The following PLCXD3 variants were observed in gnomAD, a reference collection of about 807,000 sequenced individuals.
PLCXD3 encodes the protein PI-PLC X domain-containing protein 3.
PLCXD3 carries 19 observed loss-of-function variants against 25.5 expected under a neutral mutation model. The observed-to-expected ratio is 0.75, with a 90% CI of 0.52 to 1.09. The LOEUF is 1.09. PLCXD3 is among the 50% of genes least tolerant of loss of function. PLCXD3 has a pLI of 0.00. For missense variants in PLCXD3, 411 were observed against 388.1 expected, an observed-to-expected ratio of 1.06 and a Z score of -0.50; for synonymous variants, 174 against 137.6, an observed-to-expected ratio of 1.26 and a Z score of -1.85.
At position 41,309,612 on chromosome 5, in the gene PLCXD3, A is replaced by G. The variant is rs1743078248; in HGVS notation, c.*4005T>C. On this transcript the variant is annotated 3_prime_UTR_variant, in exon 3 of 3. Transcript: ENST00000377801. ...AAACATGCATTTCCTGAGACTTCCA[A>G]CTTTCCAGTCTGGAATCCTAACAAG... 6.6e-6 allele frequency: 1 copy of G among 152,174 alleles called. No homozygotes were observed. The highest frequency in any genetic ancestry group is 1.5e-5 in the Non-Finnish European group (1 of 68,006). The allele number at this position is 152,174 out of a possible 1,614,324, so 9.4% of individuals were successfully genotyped here. A position where few individuals can be genotyped will look rare whatever the true frequency, so the allele number is the denominator to read the frequency against.
chr5:41,311,455 G>T lies in PLCXD3; in HGVS notation c.*2162C>A, dbSNP rs1743134472. The T allele has an allele frequency of 6.6e-6, 1 of 150,966 alleles. No individual in the cohort carries two copies. The highest frequency in any genetic ancestry group is 6.6e-5 in the Admixed American group (1 of 15,058). The allele number at this position is 150,966 out of a possible 1,614,324, so 9.4% of individuals were successfully genotyped here. A position where few individuals can be genotyped will look rare whatever the true frequency, so the allele number is the denominator to read the frequency against. ...TACTCTTTTTCACACAATATTAAGGGTTTCAGTCTTAAAATTAAATTATTT... is the reference window on the plus strand; with the variant it reads ...TACTCTTTTTCACACAATATTAAGGTTTTCAGTCTTAAAATTAAATTATTT... On this transcript the variant is annotated 3_prime_UTR_variant, in exon 3 of 3. Coordinates refer to ENST00000377801, the MANE Select transcript of PLCXD3 (RefSeq NM_001005473.3).
intron 1 of PLCXD3, among the ~76,000 whole-genome samples, chr5:41,474,222 C>A (rs1748231849): frequency 6.6e-6 from 1 of 152,160 alleles, no homozygotes. Context: ...GTAGAAAGGG[C>A]AGGGAGGAGG....
At chr5:41,421,428 G>A (rs1197355974) in intron 1 of PLCXD3, among the ~76,000 whole-genome samples, 1 of 152,114 alleles carries the variant, frequency 6.6e-6, no homozygotes, top group Non-Finnish European at 1.5e-5. Context: ...GGAGCTGGGC[G>A]CGGTGGCTCA....
intron 1 of PLCXD3, among the ~76,000 whole-genome samples, chr5:41,396,005 A>C (rs1455916880): frequency 6.6e-6 from 1 of 151,710 alleles, no homozygotes; most frequent in Non-Finnish European, 1.5e-5. Flanking sequence ...ATCAAAGAAA[A>C]AAAAAAAACC....
chr5:41,444,631 A>G (rs1747455343), intron 1 of PLCXD3, among the ~76,000 whole-genome samples: 1 of 152,222 alleles, frequency 6.6e-6, no homozygotes, highest in South Asian at 2.1e-4. Context: ...ATGAATTAAT[A>G]AAAGATGACA....
At chr5:41,403,415 T>TTTGTTTTTG (rs1452997209) in intron 1 of PLCXD3, among the ~76,000 whole-genome samples, 1 of 36,826 alleles carries the variant, frequency 2.7e-5, no homozygotes, top group Non-Finnish European at 7.1e-5. Context: ...TTTTTTTTTT[T>TTTGTTTTTG]TATTATACTC....
At chr5:41,434,889 G>C (rs1176160127) in intron 1 of PLCXD3, among the ~76,000 whole-genome samples, 2 of 152,154 alleles carry the variant, frequency 1.3e-5, no homozygotes, top group African/African-American at 4.8e-5. Flanking sequence ...AGGACCAGGA[G>C]AAAGGAGATA....
Position 41,313,558 on chromosome 5 carries a change from G to C in PLCXD3, c.*59C>G, listed in dbSNP as rs1743202809. ...AGGAAGATCAGAGTGTTTACAGATA[G>C]TATGCCCTAATACAATGAGCTTTCT... On this transcript the variant is annotated 3_prime_UTR_variant, in exon 3 of 3. Coordinates refer to ENST00000377801, the MANE Select transcript of PLCXD3 (RefSeq NM_001005473.3). The C allele has an allele frequency of 2.5e-6, 4 of 1,591,728 alleles. No individual in the cohort carries two copies. The highest frequency in any genetic ancestry group is 3.4e-6 in the Non-Finnish European group (4 of 1,160,732).
chr5:41,399,031 A>G (rs1384392539), intron 1 of PLCXD3, among the ~76,000 whole-genome samples: 1 of 152,252 alleles, frequency 6.6e-6, no homozygotes, highest in Admixed American at 6.5e-5. Context: ...ACATACAAAA[A>G]AAAAGTAGCA....
intron 1 of PLCXD3, among the ~76,000 whole-genome samples, chr5:41,489,521 A>C (rs1748604662): frequency 1.3e-5 from 2 of 152,198 alleles, no homozygotes; most frequent in South Asian, 4.1e-4. Context: ...TACCTTGGGC[A>C]GTATGGCAAT....
chr5:41,473,921 C>T (rs1748226843), intron 1 of PLCXD3, among the ~76,000 whole-genome samples: 1 of 152,114 alleles, frequency 6.6e-6, no homozygotes, highest in South Asian at 2.1e-4. Context: ...ATGAGAGGCC[C>T]CTTCCTCTTT....
At chr5:41,342,470 G>A (rs904852496) in intron 2 of PLCXD3, among the ~76,000 whole-genome samples, 3 of 152,176 alleles carry the variant, frequency 2.0e-5, no homozygotes, top group African/African-American at 2.4e-5. Context: ...GGAAGAGAAA[G>A]TGTGGGCCTC....
At chr5:41,399,320 T>A (rs1746108242) in intron 1 of PLCXD3, among the ~76,000 whole-genome samples, 1 of 152,142 alleles carries the variant, frequency 6.6e-6, no homozygotes. Context: ...CTAATGACAT[T>A]CTTCACAGAA....
In PLCXD3 at chr5:41,371,160, C is replaced by T. The variant is rs117831892; in HGVS notation, c.812+10666G>A. 1.9e-3 allele frequency among the ~76,000 whole-genome samples: 291 copies of T among 152,156 alleles called. 2 individuals are homozygous for T. In the East Asian group the frequency reaches 0.048, roughly 25 times the overall value. On this transcript the variant is annotated intron_variant, in intron 2 of 2. Transcript: ENST00000377801. ...CTGGGCTTTTGCATAGAAACAGCCT[C>T]GACTGTTTTAATGAGAAAAAGAACA...
intron 1 of PLCXD3, among the ~76,000 whole-genome samples, chr5:41,428,114 C>T (rs531170168): frequency 1.3e-5 from 2 of 152,238 alleles, no homozygotes; most frequent in Admixed American, 6.5e-5. Flanking sequence ...TTGTCTCTCT[C>T]CCCACACCTT....
intron 1 of PLCXD3, among the ~76,000 whole-genome samples, chr5:41,424,595 CAT>C (rs1204465510): frequency 1.3e-5 from 2 of 152,158 alleles, no homozygotes; most frequent in African/African-American, 2.4e-5. Context: ...TTTCATCACA[CAT>C]GTTTTGATAT....
chr5:41,488,521 T>G (rs986302279), intron 1 of PLCXD3, among the ~76,000 whole-genome samples: 1 of 135,758 alleles, frequency 7.4e-6, no homozygotes, highest in African/African-American at 3.0e-5. Context: ...TCCACAAGGG[T>G]TGAACTAGTT....
chr5:41,421,173 A>G (rs1399660152), intron 1 of PLCXD3, among the ~76,000 whole-genome samples: 1 of 152,228 alleles, frequency 6.6e-6, no homozygotes, highest in Non-Finnish European at 1.5e-5. Context: ...TAATATCCAA[A>G]CATCAAAACA....
chr5:41,317,935 G>A (rs565331523), intron 2 of PLCXD3, among the ~76,000 whole-genome samples: 1 of 152,084 alleles, frequency 6.6e-6, no homozygotes, highest in East Asian at 1.9e-4. Flanking sequence ...GAAAGACAAG[G>A]GTAGGATGTT....
Sources: allele counts gnomAD v4.1 joint callset (sites outside exome capture counted in the v4.1 genomes callset), GRCh38; gene constraint gnomAD v4.1.1; transcripts MANE v1.5; gene names NCBI Gene and HGNC (gene_info 2026-07-23, HGNC 2026-07-21).